Variants in HMCN1 observed in about 807,000 individuals in gnomAD.
HMCN1 encodes the protein hemicentin-1.
In HMCN1, 321 loss-of-function variants were observed where a neutral mutation model predicts 625.9. That is an observed-to-expected ratio of 0.51 (90% CI 0.47 to 0.56). HMCN1 has a LOEUF of 0.56. HMCN1 is among the 20% of genes least tolerant of loss of function. HMCN1 has a pLI of 0.00. For synonymous variants in HMCN1, 2,425 were observed against 2,417.6 expected, an observed-to-expected ratio of 1.00 and a Z score of -0.09; for missense variants, 6,588 against 6,887.3, an observed-to-expected ratio of 0.96 and a Z score of 1.54.
At chr1:186,108,640 A>G (rs1404069581) in intron 71 of HMCN1, 43 bp downstream of exon 71, 2 of 1,610,310 alleles carry the variant, frequency 1.2e-6, no homozygotes, top group South Asian at 2.2e-5. Flanking sequence ...TTTGAGATGA[A>G]AAAAGTAAAA....
chr1:185,805,158 G>C (rs986541674), intron 1 of HMCN1, among the ~76,000 whole-genome samples: 1 of 152,062 alleles, frequency 6.6e-6, no homozygotes, highest in Admixed American at 6.6e-5. Context: ...ACCTTACACT[G>C]GGAGCATGAG....
chr1:185,762,319 A>T lies in HMCN1; in HGVS notation c.268+27272A>T, dbSNP rs573433822. Among the ~76,000 whole-genome samples the T allele has an allele frequency of 2.0e-5, 3 of 152,274 alleles. No homozygotes were observed. In the South Asian group the frequency reaches 6.2e-4, roughly 32 times the overall value. ...ACTTTCAGCAAGACAAGCTTTGCTGATGTCTTGTAGAACTTTCATTTACAA... is the reference window on the plus strand; with the variant it reads ...ACTTTCAGCAAGACAAGCTTTGCTGTTGTCTTGTAGAACTTTCATTTACAA... On this transcript the variant is annotated intron_variant, in intron 1 of 106. Transcript: ENST00000271588.
intron 1 of HMCN1, among the ~76,000 whole-genome samples, chr1:185,743,977 G>GTTTTT (rs1557935699): frequency 1.0e-5 from 1 of 99,776 alleles, no homozygotes; most frequent in East Asian, 2.4e-4. Flanking sequence ...TGACTTTACT[G>GTTTTT]TTTTGTTTTT....
intron 82 of HMCN1, 138 bp downstream of exon 82, chr1:186,125,932 T>C: frequency 1.5e-6 from 1 of 657,826 alleles, no homozygotes; most frequent in Non-Finnish European, 2.6e-6. Context: ...AAAATTAATT[T>C]TACACGTATT....
chr1:185,738,991 C>G (rs1653790852), intron 1 of HMCN1, among the ~76,000 whole-genome samples: 1 of 151,930 alleles, frequency 6.6e-6, no homozygotes, highest in Non-Finnish European at 1.5e-5. Context: ...AGCATAGTAC[C>G]TGATAGTTTT....
intron 104 of HMCN1, among the ~76,000 whole-genome samples, chr1:186,179,061 A>G (rs1365963500): frequency 1.3e-5 from 2 of 152,240 alleles, no homozygotes; most frequent in Non-Finnish European, 2.9e-5. Flanking sequence ...TTTCAGTGGC[A>G]TCCAGAATGT....
chr1:185,788,102 A>G (rs1333850272), intron 1 of HMCN1, among the ~76,000 whole-genome samples: 1 of 152,224 alleles, frequency 6.6e-6, no homozygotes, highest in Non-Finnish European at 1.5e-5. Context: ...ATTTTAGGCT[A>G]ATAGTTTGGT....
chr1:186,132,660 T>A (rs551985004), intron 86 of HMCN1, among the ~76,000 whole-genome samples: 298 of 151,386 alleles, frequency 2.0e-3, no homozygotes, highest in Non-Finnish European at 2.7e-3. Context: ...CTTTTTTTTT[T>A]ATTATACTTT....
At chr1:185,864,015 GCAAGTGCTT>G (rs571936152) in intron 2 of HMCN1, among the ~76,000 whole-genome samples, 97 of 152,310 alleles carry the variant, frequency 6.4e-4, no homozygotes, top group Non-Finnish European at 1.2e-3. Flanking sequence ...ATGAGTGCAA[GCAAGTGCTT>G]CACGATTAAG....
intron 91 of HMCN1, 121 bp from the exon 92 acceptor site, chr1:186,145,282 C>A: frequency 2.1e-6 from 2 of 949,126 alleles, no homozygotes; most frequent in Non-Finnish European, 3.1e-6. Flanking sequence ...TATAGACTTG[C>A]ATGTTTTGTT....
chr1:185,768,879 T>G (rs894321691), intron 1 of HMCN1, among the ~76,000 whole-genome samples: 1 of 152,198 alleles, frequency 6.6e-6, no homozygotes, highest in Non-Finnish European at 1.5e-5. Context: ...TTTTTGACCT[T>G]GAACAAAATA....
intron 62 of HMCN1, 24 bp downstream of exon 62, chr1:186,088,300 G>A (rs773051333): frequency 6.2e-7 from 1 of 1,611,724 alleles, no homozygotes; most frequent in East Asian, 2.2e-5. Context: ...GCATTTTTGT[G>A]TGTGTGTGTG....
In HMCN1 at chr1:185,927,731, A is replaced by AT. The variant is rs1385687351; in HGVS notation, c.1431-808dup. On this transcript the variant is annotated intron_variant, in intron 9 of 106. Coordinates refer to ENST00000271588, the MANE Select transcript of HMCN1 (RefSeq NM_031935.3). ...GGCTTTTTGCCTTATCTATATCTTG[A>AT]TTTTTTTAAGGTTATAAGTAGCTAT... Among the ~76,000 whole-genome samples, 10 of 152,042 alleles carry AT rather than the reference A, an allele frequency of 6.6e-5. No individual in the cohort carries two copies. In the South Asian group the frequency reaches 1.0e-3, roughly 16 times the overall value.
chr1:185,950,888 C>CAT (rs1428392143), intron 11 of HMCN1, among the ~76,000 whole-genome samples: 1 of 151,412 alleles, frequency 6.6e-6, no homozygotes, highest in African/African-American at 2.4e-5. Context: ...TGATAAGGTG[C>CAT]AGATCCTGAA....
At chr1:185,996,337 T>C (rs749199752) in intron 24 of HMCN1, among the ~76,000 whole-genome samples, 1 of 152,052 alleles carries the variant, frequency 6.6e-6, no homozygotes, top group Non-Finnish European at 1.5e-5. Context: ...GAAGAGCATG[T>C]AATATTTTGG....
At chr1:185,829,664 G>C (rs1422053753) in intron 1 of HMCN1, among the ~76,000 whole-genome samples, 2 of 152,054 alleles carry the variant, frequency 1.3e-5, no homozygotes, top group Non-Finnish European at 2.9e-5. Context: ...ATCATTGGTG[G>C]GCATTTGGGT....
intron 11 of HMCN1, among the ~76,000 whole-genome samples, chr1:185,939,200 A>C (rs1408705968): frequency 6.6e-6 from 1 of 152,236 alleles, no homozygotes; most frequent in Non-Finnish European, 1.5e-5. Flanking sequence ...TTTGGGAAGC[A>C]AAGCTAACCT....
At position 186,061,872 on chromosome 1, in the gene HMCN1, T is replaced by A; in HGVS notation, c.7334T>A (p.Met2445Lys). The change falls in exon 47 of 107, where the codon ATG becomes AAG. Residue 2445 changes from methionine to lysine, a missense_variant. This residue lies in a region of HMCN1 where 4,628 missense variants were observed against 4,853.1 expected (regional missense o/e 0.95). Coordinates refer to ENST00000271588, the MANE Select transcript of HMCN1 (RefSeq NM_031935.3). ...ILSGGRMLRL[M>K]QTTMEDAGQY... ...GCAGGAGGCAGGATGCTACGGCTGA[T>A]GCAGACCACAATGGAAGATGCTGGC... 6.2e-7 allele frequency: 1 copy of A among 1,612,584 alleles called. No individual in the cohort carries two copies. Among genetic ancestry groups the A allele is most frequent in the Middle Eastern group, 1.7e-4 (1 of 6,056 alleles).
intron 1 of HMCN1, among the ~76,000 whole-genome samples, chr1:185,761,150 T>C: frequency 6.6e-6 from 1 of 151,596 alleles, no homozygotes; most frequent in Non-Finnish European, 1.5e-5. Flanking sequence ...AGAATGGAGG[T>C]GGTAGTAGCA....
Sources: allele counts gnomAD v4.1 joint callset (sites outside exome capture counted in the v4.1 genomes callset), GRCh38; gene constraint gnomAD v4.1.1; regional missense constraint gnomAD v4.1.1; transcripts MANE v1.5; gene names NCBI Gene and HGNC (gene_info 2026-07-23, HGNC 2026-07-21).